The following ACACA variants were observed in gnomAD, a reference collection of about 807,000 sequenced individuals.
ACACA encodes the protein acetyl-CoA carboxylase 1.
In ACACA, 103 loss-of-function variants were observed where a neutral mutation model predicts 296.1. The observed-to-expected ratio is 0.35, with a 90% CI of 0.30 to 0.41. The LOEUF (loss-of-function observed/expected upper bound fraction) is 0.41. Among genes scored for constraint, ACACA ranks in the 10% least tolerant of loss-of-function variants. The pLI, the probability that ACACA is intolerant of heterozygous loss-of-function variation, is 1.00. For synonymous variants in ACACA, 953 were observed against 1,038.6 expected, an observed-to-expected ratio of 0.92 and a Z score of 1.58; for missense variants, 1,554 against 2,989.7, an observed-to-expected ratio of 0.52 and a Z score of 11.20.
chr17:37,194,955 G>A (rs2077925541), intron 35 of ACACA, among the ~76,000 whole-genome samples: 1 of 150,184 alleles, frequency 6.7e-6, no homozygotes, highest in Non-Finnish European at 1.5e-5. Context: ...CGTTATGAGA[G>A]TGAAGCACAT....
At chr17:37,322,913 T>C (rs2047423375) in intron 3 of ACACA, among the ~76,000 whole-genome samples, 1 of 152,204 alleles carries the variant, frequency 6.6e-6, no homozygotes, top group South Asian at 2.1e-4. Context: ...CAATAAAACC[T>C]TGCACTCATC....
intron 2 of ACACA, among the ~76,000 whole-genome samples, chr17:37,338,025 G>A (rs1342967494): frequency 6.6e-6 from 1 of 151,786 alleles, no homozygotes; most frequent in South Asian, 2.1e-4. Flanking sequence ...TGAACCCAGG[G>A]GGCGGAGCTT....
intron 2 of ACACA, among the ~76,000 whole-genome samples, chr17:37,330,929 G>C (rs772023022): frequency 2.0e-5 from 3 of 151,788 alleles, no homozygotes; most frequent in Non-Finnish European, 2.9e-5. Context: ...TTATTTATTT[G>C]AGACAGGGTC....
At chr17:37,149,584 C>T (rs934038207) in intron 45 of ACACA, among the ~76,000 whole-genome samples, 3 of 152,122 alleles carry the variant, frequency 2.0e-5, no homozygotes, top group Non-Finnish European at 4.4e-5. Flanking sequence ...TTTAGAGCAG[C>T]GGTTTTATAT....
At position 37,097,612 on chromosome 17, in the gene ACACA, C is replaced by T. The variant is rs1439157829; in HGVS notation, c.6720+218G>A. On this transcript the variant is annotated intron_variant, in intron 53 of 55. Coordinates refer to ENST00000616317, the MANE Select transcript of ACACA (RefSeq NM_198834.3). This position sits in a 1 kb window ranked among gnomAD's most constrained non-coding sequence, Gnocchi z 4.8. ...TTCCCACCAGTAAAATGCAGCTTGC[C>T]TCCTGAGGAATTAATGGAAACCTAA... 6.6e-6 allele frequency among the ~76,000 whole-genome samples: 1 copy of T among 152,186 alleles called. No individual in the cohort carries two copies. Among genetic ancestry groups the T allele is most frequent in the East Asian group, 1.9e-4 (1 of 5,196 alleles).
intron 22 of ACACA, among the ~76,000 whole-genome samples, chr17:37,242,450 A>C (rs2080460205): frequency 1.3e-5 from 2 of 152,304 alleles, no homozygotes; most frequent in Middle Eastern, 3.4e-3. Context: ...CCAATAGGCC[A>C]TGTGTGGTGG....
rs1225747391 is a variant in ACACA at position 37,342,444 on chromosome 17, T to C, written c.39-2594A>G. Among the ~76,000 whole-genome samples, 85 of 113,436 alleles carry C rather than the reference T, an allele frequency of 7.5e-4. 1 individual carries two copies. The South Asian group carries it at 0.015, about 20-fold the overall frequency. The allele number at this position is 113,436 out of a possible 152,430, so 74.4% of individuals were successfully genotyped here. ...AAAAAAAAAAAAAAAAAAATATATA[T>C]ATATATATATATATACACACACACA... On this transcript the variant is annotated intron_variant, in intron 1 of 55. Transcript: ENST00000616317.
At chr17:37,183,209 G>A (rs1473181018) in intron 39 of ACACA, among the ~76,000 whole-genome samples, 2 of 152,196 alleles carry the variant, frequency 1.3e-5, no homozygotes, top group East Asian at 3.9e-4. Flanking sequence ...GCTTTGTGAT[G>A]AAGACAGGCT....
intron 29 of ACACA, among the ~76,000 whole-genome samples, chr17:37,219,028 T>G (rs971656887): frequency 3.9e-5 from 6 of 152,188 alleles, no homozygotes; most frequent in Admixed American, 1.3e-4. Flanking sequence ...GAGTTTATGC[T>G]AAGAGATGAG....
intron 52 of ACACA, among the ~76,000 whole-genome samples, chr17:37,109,188 C>T (rs866597149): frequency 6.6e-6 from 1 of 152,166 alleles, no homozygotes; most frequent in Admixed American, 6.5e-5. Context: ...CCTGCTTTGT[C>T]GCAGAGACAG....
intron 33 of ACACA, 102 bp from the exon 34 acceptor site, chr17:37,200,585 C>T (rs1293819384): frequency 1.9e-6 from 2 of 1,059,560 alleles, no homozygotes; most frequent in East Asian, 2.5e-5. Context: ...GTTAAACATC[C>T]TTTTTGGATA....
intron 4 of ACACA, 89 bp downstream of exon 4, chr17:37,284,749 T>A: frequency 6.4e-7 from 1 of 1,570,490 alleles, no homozygotes; most frequent in Admixed American, 1.7e-5. Context: ...AAACTAAATA[T>A]CAATTGGGAG....
intron 45 of ACACA, among the ~76,000 whole-genome samples, chr17:37,142,095 C>T (rs902243880): frequency 1.3e-5 from 2 of 151,598 alleles, no homozygotes; most frequent in Non-Finnish European, 2.9e-5. Context: ...TGATAATTTC[C>T]GAGTCTGTAT....
At chr17:37,384,469 C>T (rs1222481759) in intron 1 of ACACA, among the ~76,000 whole-genome samples, 2 of 152,114 alleles carry the variant, frequency 1.3e-5, no homozygotes, top group African/African-American at 2.4e-5. Flanking sequence ...TGTTTACACA[C>T]ATGCTTTCTC....
At chr17:37,377,402 T>C (rs767867474) in intron 1 of ACACA, among the ~76,000 whole-genome samples, 3 of 152,138 alleles carry the variant, frequency 2.0e-5, no homozygotes, top group Admixed American at 1.3e-4. Context: ...CTCACACCTG[T>C]CATCCTAGCA....
chr17:37,226,350 G>A lies in ACACA; in HGVS notation c.3349C>T (p.Arg1117Ter), dbSNP rs1439805556. 1 of 1,613,594 alleles carries A rather than the reference G, an allele frequency of 6.2e-7. No individual in the cohort carries two copies. Among genetic ancestry groups the A allele is most frequent in the East Asian group, 2.2e-5 (1 of 44,892 alleles). ...SKTTNAKVALRARQVLIASHL... is the reference protein window; with the variant it reads ...SKTTNAKVAL ...ACAAATGTCCTTACCTGGCGTGCTC[G>A]AAGTGCTACTTTGGCATTGGTGGTC... Residue 1117 changes from arginine (R) to a stop codon, truncating the protein, a stop_gained, in exon 26 of 56, where the codon CGA (arginine) becomes TGA (stop). Coordinates refer to ENST00000616317, the MANE Select transcript of ACACA (RefSeq NM_198834.3). LOFTEE classifies it high-confidence loss of function.
chr17:37,317,942 A>G (rs1424394920), intron 3 of ACACA, among the ~76,000 whole-genome samples: 1 of 152,174 alleles, frequency 6.6e-6, no homozygotes, highest in East Asian at 1.9e-4. Context: ...AGATCTCATA[A>G]TGACCTTCTC....
chr17:37,386,073 T>G, intron 1 of ACACA: 1 of 1,604,242 alleles, frequency 6.2e-7, no homozygotes, highest in South Asian at 1.1e-5. Flanking sequence ...TTCCCACCAC[T>G]GCCCCTTCTA....
chr17:37,373,431 G>A (rs545656355), intron 1 of ACACA, among the ~76,000 whole-genome samples: 2 of 152,180 alleles, frequency 1.3e-5, no homozygotes, highest in East Asian at 3.9e-4. Flanking sequence ...ATTTTTAGTA[G>A]AGACAGGGTT....
Sources: allele counts gnomAD v4.1 joint callset (sites outside exome capture counted in the v4.1 genomes callset), GRCh38; gene constraint gnomAD v4.1.1; non-coding constraint Gnocchi (gnomAD v3.1); transcripts MANE v1.5; gene names NCBI Gene and HGNC (gene_info 2026-07-23, HGNC 2026-07-21).